The following RNF43 variants were observed in gnomAD, a reference collection of about 807,000 sequenced individuals.
The protein encoded by RNF43 is ring finger protein 43.
Under a neutral mutation model 78.4 loss-of-function variants are expected in RNF43, and 37 were observed. The observed-to-expected ratio is 0.47, with a 90% CI of 0.36 to 0.62. The LOEUF (loss-of-function observed/expected upper bound fraction) is 0.62. Ranked by LOEUF, RNF43 falls within the 20% of genes least tolerant of loss-of-function variation. The pLI is 0.00. For synonymous variants in RNF43, 347 were observed against 395.0 expected (o/e 0.88, Z 1.44); for missense variants, 774 against 1,007.9 (o/e 0.77, Z 3.14).
chr17:58,361,880 A>T (rs1018572523), intron 6 of RNF43, among the ~76,000 whole-genome samples: 16 of 152,124 alleles, frequency 1.1e-4, no homozygotes, highest in Admixed American at 1.0e-3. Context: ...CTTTGCTGCA[A>T]TGCCATCTTC....
intron 2 of RNF43, among the ~76,000 whole-genome samples, chr17:58,392,617 G>GAT (rs1973583881): frequency 1.3e-5 from 2 of 152,156 alleles, no homozygotes; most frequent in Non-Finnish European, 2.9e-5. Context: ...TCTAGACAGG[G>GAT]GGTTATATGG....
intron 2 of RNF43, among the ~76,000 whole-genome samples, chr17:58,372,619 T>C (rs978506785): frequency 4.6e-5 from 7 of 151,960 alleles, no homozygotes; most frequent in African/African-American, 1.7e-4. Flanking sequence ...TAATGATGAG[T>C]AAGAGAGGCT....
chr17:58,388,126 A>G (rs554872836), intron 2 of RNF43, among the ~76,000 whole-genome samples: 1 of 152,344 alleles, frequency 6.6e-6, no homozygotes, highest in East Asian at 1.9e-4. Flanking sequence ...CTTAGGGTAT[A>G]GGAGTAACCA....
intron 6 of RNF43, 115 bp downstream of exon 6, chr17:58,362,429 G>A: frequency 3.1e-6 from 2 of 651,276 alleles, no homozygotes; most frequent in Non-Finnish European, 5.1e-6. Context: ...GTATTTTGAT[G>A]TAAATGGTTC....
At chr17:58,386,014 G>A (rs1247549510) in intron 2 of RNF43, among the ~76,000 whole-genome samples, 1 of 152,192 alleles carries the variant, frequency 6.6e-6, no homozygotes, top group African/African-American at 2.4e-5. Context: ...GGAGGTTGAG[G>A]CTGCAGGATT....
chr17:58,407,448 T>C (rs1973935598), intron 2 of RNF43, among the ~76,000 whole-genome samples: 1 of 152,200 alleles, frequency 6.6e-6, no homozygotes, highest in Non-Finnish European at 1.5e-5. Context: ...CAGGCCTTTG[T>C]GCTTACAATT....
intron 3 of RNF43, among the ~76,000 whole-genome samples, chr17:58,366,983 G>A (rs1329192850): frequency 6.8e-6 from 1 of 147,496 alleles, no homozygotes; most frequent in Non-Finnish European, 1.5e-5. Flanking sequence ...ACACCACAAG[G>A]CCCGGCTAAT....
At chr17:58,394,382 A>G (rs756333795) in intron 2 of RNF43, among the ~76,000 whole-genome samples, 4 of 152,264 alleles carry the variant, frequency 2.6e-5, no homozygotes, top group Non-Finnish European at 4.4e-5. Flanking sequence ...TCTTCGGCTT[A>G]TCTATGACTT....
Position 58,358,926 on chromosome 17 carries a change from C to A in RNF43, c.953-103G>T. 1 of 1,235,612 alleles carries A rather than the reference C, an allele frequency of 8.1e-7. No homozygotes were observed. Among genetic ancestry groups the A allele is most frequent in the Non-Finnish European group, 1.1e-6 (1 of 930,328 alleles). 76.5% of individuals were successfully genotyped at this position (1,235,612 alleles called of 1,614,324 possible). A position where few individuals can be genotyped will look rare whatever the true frequency, so the allele number is the denominator to read the frequency against. On this transcript the variant is annotated intron_variant, in intron 8 of 9. Coordinates refer to ENST00000407977, the MANE Select transcript of RNF43 (RefSeq NM_017763.6). This position sits in a 1 kb window ranked among gnomAD's most constrained non-coding sequence, Gnocchi z 6.2. ...GCTAATCTATTTGACCCTGAGTAGC[C>A]TGTGAGCTCAGAGTTTGGGGGATCA...
intron 2 of RNF43, among the ~76,000 whole-genome samples, chr17:58,406,615 A>G (rs2143663389): frequency 6.6e-6 from 1 of 152,330 alleles, no homozygotes; most frequent in African/African-American, 2.4e-5. Flanking sequence ...CAGATCATCA[A>G]TATAATTCCA....
chr17:58,354,763 C>A lies in RNF43; in HGVS notation c.*180G>T. The A allele has an allele frequency of 1.6e-6, 1 of 633,608 alleles. No individual in the cohort carries two copies. The highest frequency in any genetic ancestry group is 1.8e-5 in the African/African-American group (1 of 55,350). The allele number at this position is 633,608 out of a possible 1,614,324, so 39.2% of individuals were successfully genotyped here. A position where few individuals can be genotyped will look rare whatever the true frequency, so the allele number is the denominator to read the frequency against. On this transcript the variant is annotated 3_prime_UTR_variant, in exon 10 of 10. Transcript: ENST00000407977. Reference sequence around the variant, plus strand: ...CTGCAGACAAGGTCTGGAGCTGGAGCAGGAAACGGCACCCTCTCACCCTCC... The same window carrying A: ...CTGCAGACAAGGTCTGGAGCTGGAGAAGGAAACGGCACCCTCTCACCCTCC...
chr17:58,372,828 G>A (rs938810659), intron 2 of RNF43, among the ~76,000 whole-genome samples: 2 of 152,272 alleles, frequency 1.3e-5, no homozygotes, highest in Admixed American at 1.3e-4. Context: ...GAAAGGGAGC[G>A]GGGTTGGGGA....
chr17:58,370,836 A>C, intron 3 of RNF43, 75 bp downstream of exon 3: 1 of 1,413,652 alleles, frequency 7.1e-7, no homozygotes, highest in Non-Finnish European at 9.4e-7. Context: ...CATGGGGACA[A>C]GAGAGCACAG....
chr17:58,391,745 C>T (rs774318981), intron 2 of RNF43, among the ~76,000 whole-genome samples: 2 of 152,148 alleles, frequency 1.3e-5, no homozygotes, highest in Non-Finnish European at 2.9e-5. Context: ...CCTTCCAAAG[C>T]ACCTCATAGA....
rs1018401544 is a variant in RNF43, at chr17:58,415,890, A to T, written c.-313T>A. Reference sequence around the variant, plus strand: ...AATTTCCAACTTTGCTTGTGATTGAATGTCACTTCGTGAATTTGTATTATG... The same window carrying T: ...AATTTCCAACTTTGCTTGTGATTGATTGTCACTTCGTGAATTTGTATTATG... On this transcript the variant is annotated 5_prime_UTR_variant, in exon 2 of 10. Transcript: ENST00000407977. 17 of 438,102 alleles carry T rather than the reference A, an allele frequency of 3.9e-5. No homozygotes were observed. The Admixed American group carries it at 5.2e-4, about 13-fold the overall frequency. 27.1% of individuals were successfully genotyped at this position (438,102 alleles called of 1,614,324 possible). A position where few individuals can be genotyped will look rare whatever the true frequency, so the allele number is the denominator to read the frequency against.
chr17:58,413,290 A>G (rs1252521010), intron 2 of RNF43, among the ~76,000 whole-genome samples: 1 of 152,198 alleles, frequency 6.6e-6, no homozygotes, highest in Non-Finnish European at 1.5e-5. Context: ...GTTTTTTAAA[A>G]AAGTTTCTCA....
chr17:58,379,394 CAG>C (rs1329495115), intron 2 of RNF43, among the ~76,000 whole-genome samples: 2 of 152,186 alleles, frequency 1.3e-5, no homozygotes, highest in African/African-American at 2.4e-5. Context: ...AGACGCTGCT[CAG>C]AGACACTTTC....
rs1972644303 is a variant in RNF43 at position 58,354,558 on chromosome 17, C to A, written c.*385G>T. The A allele has an allele frequency of 5.4e-6, 2 of 371,336 alleles. No individual in the cohort carries two copies. The highest frequency in any genetic ancestry group is 1.0e-5 in the Non-Finnish European group (2 of 193,090). The allele number at this position is 371,336 out of a possible 1,614,324, so 23.0% of individuals were successfully genotyped here. A position where few individuals can be genotyped will look rare whatever the true frequency, so the allele number is the denominator to read the frequency against. On this transcript the variant is annotated 3_prime_UTR_variant, in exon 10 of 10. Coordinates refer to ENST00000407977, the MANE Select transcript of RNF43 (RefSeq NM_017763.6). ...CCCACTGGCTGGTATGAACATGAGG[C>A]TTGGGGTGAGGGAAACCAAGTAGGG...
At chr17:58,367,322 T>C (rs1407918343) in intron 3 of RNF43, among the ~76,000 whole-genome samples, 1 of 152,090 alleles carries the variant, frequency 6.6e-6, no homozygotes, top group African/African-American at 2.4e-5. Context: ...CAACTATTAT[T>C]AATACTATGT....
Sources: gnomAD v4.1 joint callset for allele counts (sites outside exome capture counted in the v4.1 genomes callset) on GRCh38, gnomAD v4.1.1 for gene constraint, Gnocchi (gnomAD v3.1) non-coding constraint, MANE v1.5 for transcripts, NCBI Gene and HGNC (gene_info 2026-07-23, HGNC 2026-07-21) for gene names.